The following SUPT3H variants were observed in gnomAD, a reference collection of about 807,000 sequenced individuals.
SUPT3H encodes the protein SPT3 homolog, SAGA and STAGA complex component, also known as transcription initiation protein SPT3 homolog.
SUPT3H carries 44 observed loss-of-function variants against 44.3 expected under a neutral mutation model. That is an observed-to-expected ratio of 0.99 (90% CI 0.78 to 1.28). The LOEUF is 1.28. Among genes scored for constraint, SUPT3H ranks in the 50% most tolerant of loss-of-function variants. The probability of loss-of-function intolerance (pLI) is 0.00; values close to 1 mark genes in which losing one functional copy is unlikely to be tolerated. For missense variants in SUPT3H, 380 were observed against 387.1 expected, an observed-to-expected ratio of 0.98 and a Z score of 0.15; for synonymous variants, 124 against 125.6, an observed-to-expected ratio of 0.99 and a Z score of 0.09.
chr6:45,282,185 C>T (rs1778248412), intron 2 of SUPT3H, among the ~76,000 whole-genome samples: 1 of 152,194 alleles, frequency 6.6e-6, no homozygotes, highest in African/African-American at 2.4e-5. Flanking sequence ...GAGCACCTCT[C>T]CTCCTCTAAA....
At chr6:45,215,017 C>T (rs1372708962) in intron 2 of SUPT3H, among the ~76,000 whole-genome samples, 2 of 152,080 alleles carry the variant, frequency 1.3e-5, no homozygotes, top group Admixed American at 6.6e-5. Flanking sequence ...GAAAGCTGCA[C>T]GACAGCAACA....
intron 2 of SUPT3H, among the ~76,000 whole-genome samples, chr6:45,320,044 T>C (rs1785240800): frequency 6.6e-6 from 1 of 152,088 alleles, no homozygotes; most frequent in East Asian, 1.9e-4. Context: ...TGACACAATA[T>C]AATGATTATA....
chr6:45,234,315 G>C (rs1015161094), intron 2 of SUPT3H, among the ~76,000 whole-genome samples: 1 of 152,030 alleles, frequency 6.6e-6, no homozygotes, highest in African/African-American at 2.4e-5. Context: ...CAGATTGTCT[G>C]AGGTTAGGAG....
intron 10 of SUPT3H, among the ~76,000 whole-genome samples, chr6:44,862,370 T>G (rs1396157926): frequency 2.6e-5 from 4 of 151,930 alleles, no homozygotes; most frequent in Non-Finnish European, 5.9e-5. Flanking sequence ...ATTCGCACAT[T>G]ACACCTTATA....
chr6:44,886,936 A>G (rs1416604677), intron 10 of SUPT3H, among the ~76,000 whole-genome samples: 1 of 152,214 alleles, frequency 6.6e-6, no homozygotes, highest in African/African-American at 2.4e-5. Flanking sequence ...TACCAAGCTA[A>G]TGGAAAACAA....
rs770281591 is a variant in SUPT3H at position 44,985,176 on chromosome 6, CAAAT to C, written c.504+18473_504+18476del. Among the ~76,000 whole-genome samples the C allele has an allele frequency of 5.4e-3, 685 of 126,272 alleles. 6 individuals carry two copies. Among genetic ancestry groups the C allele is most frequent in the Non-Finnish European group, 8.4e-3 (515 of 61,390 alleles). 82.8% of individuals were successfully genotyped at this position (126,272 alleles called of 152,430 possible). A position where few individuals can be genotyped will look rare whatever the true frequency, so the allele number is the denominator to read the frequency against. ...TAACAAAGCAAGACCTCATCTCTAC[CAAAT>C]AAATAAATAAATAAATAAATAAATA... On this transcript the variant is annotated intron_variant, in intron 6 of 10. Transcript: ENST00000371459.
chr6:45,299,052 A>C (rs1243823322), intron 2 of SUPT3H, among the ~76,000 whole-genome samples: 1 of 152,182 alleles, frequency 6.6e-6, no homozygotes, highest in African/African-American at 2.4e-5. Context: ...TGTTTTGTAG[A>C]ATTACATGAA....
chr6:45,141,184 A>G (rs1488618874), intron 2 of SUPT3H, among the ~76,000 whole-genome samples: 3 of 151,792 alleles, frequency 2.0e-5, no homozygotes, highest in African/African-American at 7.3e-5. Context: ...TACTAAAATT[A>G]TAAAAATTAG....
At chr6:45,242,166 A>C (rs1770476310) in intron 2 of SUPT3H, among the ~76,000 whole-genome samples, 1 of 152,222 alleles carries the variant, frequency 6.6e-6, no homozygotes, top group Admixed American at 6.5e-5. Flanking sequence ...AAAACCATGC[A>C]TAACAGCAAT....
chr6:44,916,469 C>A (rs562704040), intron 10 of SUPT3H, among the ~76,000 whole-genome samples: 1 of 152,122 alleles, frequency 6.6e-6, no homozygotes, highest in Admixed American at 6.5e-5. Flanking sequence ...GGTCTGTTTG[C>A]CCACACAAGG....
intron 6 of SUPT3H, among the ~76,000 whole-genome samples, chr6:44,976,409 T>C (rs548181289): frequency 7.7e-4 from 117 of 152,200 alleles, no homozygotes; most frequent in Non-Finnish European, 1.3e-3. Context: ...TTGCCCAGGC[T>C]GGAGTGCAGT....
In SUPT3H at chr6:44,933,927, T is replaced by C. The variant is rs139741062; in HGVS notation, c.802-1164A>G. On this transcript the variant is annotated intron_variant, in intron 9 of 10. Transcript: ENST00000371459. Reference sequence around the variant, plus strand: ...CCTCCTGGGTAATGTTAGCTAGTAATAGTATTAGGTTATTTAAATTAAGTG... The same window carrying C: ...CCTCCTGGGTAATGTTAGCTAGTAACAGTATTAGGTTATTTAAATTAAGTG... Among the ~76,000 whole-genome samples, 962 of 152,308 alleles carry C rather than the reference T, an allele frequency of 6.3e-3. 1 individual carries two copies. The highest frequency in any genetic ancestry group is 0.01 in the Non-Finnish European group (686 of 68,022).
chr6:45,061,941 G>C (rs1188780557), intron 3 of SUPT3H, among the ~76,000 whole-genome samples: 1 of 133,354 alleles, frequency 7.5e-6, no homozygotes, highest in Non-Finnish European at 1.6e-5. Context: ...CTAATTGAAA[G>C]GTATTAAATT....
chr6:44,941,616 A>G (rs1772450118), intron 9 of SUPT3H, among the ~76,000 whole-genome samples: 1 of 152,186 alleles, frequency 6.6e-6, no homozygotes, highest in South Asian at 2.1e-4. Flanking sequence ...TCAAGGATTC[A>G]TACATTATTA....
intron 1 of SUPT3H, among the ~76,000 whole-genome samples, chr6:45,371,399 T>C (rs1003876836): frequency 6.6e-6 from 1 of 151,782 alleles, no homozygotes; most frequent in Admixed American, 6.6e-5. Context: ...GCTCACTTTT[T>C]TTTTTTTTTT....
chr6:44,849,218 TA>T, intron 10 of SUPT3H, among the ~76,000 whole-genome samples: 1 of 89,438 alleles, frequency 1.1e-5, no homozygotes, highest in Non-Finnish European at 2.6e-5. Context: ...TACAAATGAA[TA>T]CTTTTTTTTT....
intron 3 of SUPT3H, among the ~76,000 whole-genome samples, chr6:45,067,287 C>T (rs1175631773): frequency 7.2e-6 from 1 of 138,274 alleles, no homozygotes; most frequent in East Asian, 2.1e-4. Flanking sequence ...TGGATCCCTT[C>T]CTTACACCTT....
At chr6:44,941,662 T>C (rs1043710917) in intron 9 of SUPT3H, among the ~76,000 whole-genome samples, 1 of 152,222 alleles carries the variant, frequency 6.6e-6, no homozygotes, top group East Asian at 1.9e-4. Context: ...CTATTCTAAA[T>C]GTTTCCAACT....
Position 44,948,529 on chromosome 6 carries a change from T to C in SUPT3H, c.801+4781A>G, listed in dbSNP as rs181435940. Among the ~76,000 whole-genome samples, 393 of 152,128 alleles carry C rather than the reference T, an allele frequency of 2.6e-3. 3 individuals carry two copies. Among genetic ancestry groups the C allele is most frequent in the African/African-American group, 8.6e-3 (359 of 41,508 alleles). Reference sequence around the variant, plus strand: ...TAATATCCAGAATCTACAAAGAACTTAAACAAATTTACAAGAAAAAATCAA... The same window carrying C: ...TAATATCCAGAATCTACAAAGAACTCAAACAAATTTACAAGAAAAAATCAA... On this transcript the variant is annotated intron_variant, in intron 9 of 10. Transcript: ENST00000371459.
Sources: gnomAD v4.1 joint callset for allele counts (sites outside exome capture counted in the v4.1 genomes callset) on GRCh38, gnomAD v4.1.1 for gene constraint, MANE v1.5 for transcripts, NCBI Gene and HGNC (gene_info 2026-07-23, HGNC 2026-07-21) for gene names.